The following KNTC1 variants were observed in gnomAD, a reference collection of about 807,000 sequenced individuals.
KNTC1 encodes kinetochore-associated protein 1.
In KNTC1, 253 loss-of-function variants were observed where a neutral mutation model predicts 314.4. The observed-to-expected ratio is 0.80, with a 90% CI of 0.73 to 0.89. The LOEUF is 0.89. KNTC1 is among the 40% of genes least tolerant of loss of function. KNTC1 has a pLI of 0.00. For synonymous variants in KNTC1, 901 were observed against 901.4 expected (o/e 1.00, Z 0.01); for missense variants, 2,475 against 2,572.9 (o/e 0.96, Z 0.82).
At chr12:122,579,798 C>A in intron 31 of KNTC1, 107 bp from the exon 32 acceptor site, 1 of 742,596 alleles carries the variant, frequency 1.3e-6, no homozygotes, top group Non-Finnish European at 2.3e-6. Flanking sequence ...CCAACTCCTC[C>A]ACGATTGTTT....
chr12:122,592,353 G>A (rs1435455384), intron 42 of KNTC1, among the ~76,000 whole-genome samples: 4 of 152,170 alleles, frequency 2.6e-5, no homozygotes, highest in Non-Finnish European at 4.4e-5. Flanking sequence ...GACAAATGCC[G>A]CCCCATGCTC....
At chr12:122,587,924 A>C (rs1314882609) in intron 39 of KNTC1, 50 bp downstream of exon 39, 1 of 1,503,078 alleles carries the variant, frequency 6.7e-7, no homozygotes, top group African/African-American at 1.4e-5. Flanking sequence ...ATAGATGTAA[A>C]AGCGCTAACA....
At chr12:122,618,460 TG>T (rs1319578152) in intron 58 of KNTC1, 21 bp from the exon 59 acceptor site, 5 of 1,576,512 alleles carry the variant, frequency 3.2e-6, no homozygotes, top group East Asian at 2.3e-5. Flanking sequence ...ATATCATGGT[TG>T]TTTTTTTGTT....
chr12:122,596,780 T>C (rs1204351258), intron 43 of KNTC1, among the ~76,000 whole-genome samples: 2 of 152,076 alleles, frequency 1.3e-5, no homozygotes, highest in Admixed American at 1.3e-4. Context: ...AGGTTGAGAC[T>C]GCAGTGAGCC....
chr12:122,584,371 A>G lies in KNTC1; in HGVS notation c.3357A>G (p.Pro1119=), dbSNP rs373005960. The change falls in exon 35 of 64, where the codon CCA becomes CCG. Residue 1119 remains proline (P), a synonymous_variant. Coordinates refer to ENST00000333479, the MANE Select transcript of KNTC1 (RefSeq NM_014708.6). The part of the protein sequence containing the change: ...KLCQMLADNV[P]VTVPVGLNLP... ...GTCAGATGTTGGCTGATAATGTCCCAGTGACAGTGCCTGTGGGACTGAATC... is the reference window on the plus strand; with the variant it reads ...GTCAGATGTTGGCTGATAATGTCCCGGTGACAGTGCCTGTGGGACTGAATC... 15 of 1,613,730 alleles carry G rather than the reference A, an allele frequency of 9.3e-6. No individual in the cohort carries two copies. The highest frequency in any genetic ancestry group is 9.3e-6 in the Non-Finnish European group (11 of 1,179,768).
intron 35 of KNTC1, among the ~76,000 whole-genome samples, 170 bp from the exon 36 acceptor site, chr12:122,584,723 T>A (rs1868982243): frequency 6.6e-6 from 1 of 152,208 alleles, no homozygotes; most frequent in African/African-American, 2.4e-5. Flanking sequence ...TATTTTCAAG[T>A]CAAGCTTGAG....
intron 18 of KNTC1, among the ~76,000 whole-genome samples, chr12:122,559,249 G>A (rs988806357): frequency 5.9e-5 from 9 of 152,132 alleles, no homozygotes; most frequent in African/African-American, 1.9e-4. Context: ...CCAGGAGGCT[G>A]AGGGAAGGTA....
chr12:122,559,197 A>C (rs11615145), intron 18 of KNTC1, among the ~76,000 whole-genome samples: 1 of 151,730 alleles, frequency 6.6e-6, no homozygotes, highest in African/African-American at 2.4e-5. Context: ...AATACAAAAA[A>C]TACAAAAAAT....
chr12:122,555,587 C>T (rs544194899), intron 16 of KNTC1, among the ~76,000 whole-genome samples: 7 of 151,426 alleles, frequency 4.6e-5, no homozygotes, highest in South Asian at 2.1e-4. Context: ...CGGTGGCTCA[C>T]GCCTGTAATC....
rs1566010958 is a variant in KNTC1, at chr12:122,605,416, G to GT, written c.5496+2dup. 1 of 1,506,130 alleles carries GT rather than the reference G, an allele frequency of 6.6e-7. No individual in the cohort carries two copies. The highest frequency in any genetic ancestry group is 9.2e-7 in the Non-Finnish European group (1 of 1,092,332). 93.3% of individuals were successfully genotyped at this position (1,506,130 alleles called of 1,614,324 possible). A position where few individuals can be genotyped will look rare whatever the true frequency, so the allele number is the denominator to read the frequency against. On this transcript the variant is annotated splice_donor_variant, in intron 51 of 63. Coordinates refer to ENST00000333479, the MANE Select transcript of KNTC1 (RefSeq NM_014708.6). LOFTEE classifies it high-confidence loss of function. ...ATGCCCTTCAACAAAACCTGGTGAAGTAAGTACTTGCTGCCCAAGAGTATC... is the reference window on the plus strand; with the variant it reads ...ATGCCCTTCAACAAAACCTGGTGAAGTTAAGTACTTGCTGCCCAAGAGTATC...
intron 1 of KNTC1, among the ~76,000 whole-genome samples, chr12:122,529,139 G>A (rs937686197): frequency 6.6e-6 from 1 of 152,002 alleles, no homozygotes; most frequent in Non-Finnish European, 1.5e-5. Context: ...CCACCGCGCC[G>A]GCCTGGTCTG....
chr12:122,569,110 C>T (rs1458024971), intron 21 of KNTC1, among the ~76,000 whole-genome samples: 2 of 151,978 alleles, frequency 1.3e-5, no homozygotes, highest in African/African-American at 4.8e-5. Context: ...ACAACAAACC[C>T]CCTTGACAAA....
chr12:122,546,713 A>G, intron 10 of KNTC1, 39 bp downstream of exon 10: 1 of 1,304,688 alleles, frequency 7.7e-7, no homozygotes, highest in Non-Finnish European at 1.1e-6. Flanking sequence ...TTTACTTGAT[A>G]TGTTTTACAA....
chr12:122,620,638 C>G (rs1214458333), intron 60 of KNTC1, 30 bp downstream of exon 60: 12 of 1,605,190 alleles, frequency 7.5e-6, no homozygotes, highest in Non-Finnish European at 1.0e-5. Flanking sequence ...TCTGGGCTGC[C>G]AAGGAAATAG....
Position 122,597,748 on chromosome 12 carries a change from G to A in KNTC1, c.4373G>A (p.Cys1458Tyr). The change falls in exon 44 of 64, where the codon TGC becomes TAC. Residue 1458 changes from cysteine (C) to tyrosine (Y), a missense_variant. Coordinates refer to ENST00000333479, the MANE Select transcript of KNTC1 (RefSeq NM_014708.6). ...LEYCSTFQLDCDAVLQLFIET... is the reference protein window; with the variant it reads ...LEYCSTFQLDYDAVLQLFIET... ...TCTTTTAGCACATTTCAGTTGGACT[G>A]CGATGCAGTTCTTCAGCTCTTCATT... 6.2e-7 allele frequency: 1 copy of A among 1,613,838 alleles called. No homozygotes were observed. Among genetic ancestry groups the A allele is most frequent in the Non-Finnish European group, 8.5e-7 (1 of 1,179,772 alleles).
At position 122,527,369 on chromosome 12, in the gene KNTC1, C is replaced by T. The variant is rs1169521269; in HGVS notation, c.-74+18C>T. On this transcript the variant is annotated intron_variant, in intron 1 of 63. Coordinates refer to ENST00000333479, the MANE Select transcript of KNTC1 (RefSeq NM_014708.6). ...AATTGCAGGTGAGGACGGGGAGCTG[C>T]GCTGTGTAGGGAACTGGGGGTGGGT... 2 of 164,758 alleles carry T rather than the reference C, an allele frequency of 1.2e-5. No individual in the cohort carries two copies. The highest frequency in any genetic ancestry group is 2.7e-5 in the Non-Finnish European group (2 of 74,940). The allele number at this position is 164,758 out of a possible 1,614,324, so 10.2% of individuals were successfully genotyped here.
Position 122,575,596 on chromosome 12 carries a change from T to C in KNTC1, c.2436T>C (p.Ser812=). Residue 812 remains serine, a synonymous_variant, in exon 28 of 64, where the codon AGT becomes AGC. Transcript: ENST00000333479. ...KIMYAAVVPW[S]AAVEQLVKQH... ...TGTATGCGGCAGTGGTTCCTTGGAG[T>C]GCAGCTGTGGAGCAACTGGTGAAAC... The C allele has an allele frequency of 6.3e-7, 1 of 1,598,968 alleles. No homozygotes were observed. Among genetic ancestry groups the C allele is most frequent in the Non-Finnish European group, 8.5e-7 (1 of 1,172,584 alleles).
chr12:122,562,471 GTGTGTGTGTA>G lies in KNTC1; in HGVS notation c.1543-158_1543-149del, dbSNP rs1272467088. ...TGTGTGTGTGTGTGTGTGTGTGTGTGTGTGTGTGTATGTGTGTGAAATAAAGGCAGTCCTA... is the reference window on the plus strand; with the variant it reads ...TGTGTGTGTGTGTGTGTGTGTGTGTGTGTGTGTGAAATAAAGGCAGTCCTA... On this transcript the variant is annotated intron_variant, in intron 19 of 63. Transcript: ENST00000333479. Among the ~76,000 whole-genome samples the G allele has an allele frequency of 4.1e-4, 62 of 150,318 alleles. No individual in the cohort carries two copies. In the East Asian group the frequency reaches 7.2e-3, roughly 18 times the overall value.
intron 51 of KNTC1, 43 bp downstream of exon 51, chr12:122,605,458 C>T (rs761647210): frequency 2.6e-5 from 24 of 912,162 alleles, no homozygotes; most frequent in Non-Finnish European, 4.0e-5. Flanking sequence ...TGAGTATGCA[C>T]TGATGGCTTC....
Sources: allele counts gnomAD v4.1 joint callset (sites outside exome capture counted in the v4.1 genomes callset), GRCh38; gene constraint gnomAD v4.1.1; transcripts MANE v1.5; gene names NCBI Gene and HGNC (gene_info 2026-07-23, HGNC 2026-07-21).